The following OXCT1 variants were observed in gnomAD, a reference collection of about 807,000 sequenced individuals.
The protein encoded by OXCT1 is succinyl-CoA:3-ketoacid coenzyme A transferase 1, mitochondrial.
A neutral mutation model predicts 69.6 loss-of-function variants in OXCT1; 27 were observed. That is an observed-to-expected ratio of 0.39 (90% confidence interval 0.29 to 0.54). OXCT1 has a LOEUF of 0.54. Among genes scored for constraint, OXCT1 ranks in the 20% least tolerant of loss-of-function variants. The pLI, the probability that OXCT1 is intolerant of heterozygous loss-of-function variation, is 0.72. For missense variants in OXCT1, 437 were observed against 650.2 expected, an observed-to-expected ratio of 0.67 and a Z score of 3.57; for synonymous variants, 202 against 217.8, an observed-to-expected ratio of 0.93 and a Z score of 0.64.
chr5:41,866,026 C>CA (rs1554019574), intron 1 of OXCT1, among the ~76,000 whole-genome samples: 8 of 145,294 alleles, frequency 5.5e-5, no homozygotes, highest in Non-Finnish European at 1.2e-4. Flanking sequence ...CAGTAGACCC[C>CA]CCCCCCCACC....
At chr5:41,799,819 G>A (rs573776386) in intron 11 of OXCT1, among the ~76,000 whole-genome samples, 16 of 152,276 alleles carry the variant, frequency 1.1e-4, no homozygotes, top group African/African-American at 3.6e-4. Context: ...TATTCAACCA[G>A]AAGCTGTTTC....
chr5:41,816,031 C>G (rs2112312371), intron 7 of OXCT1, among the ~76,000 whole-genome samples: 1 of 152,312 alleles, frequency 6.6e-6, no homozygotes, highest in African/African-American at 2.4e-5. Flanking sequence ...TAAACCCTAG[C>G]ATTTCCAGAA....
At chr5:41,738,009 C>T (rs1742973474) in intron 16 of OXCT1, among the ~76,000 whole-genome samples, 1 of 151,914 alleles carries the variant, frequency 6.6e-6, no homozygotes, top group Admixed American at 6.6e-5. Flanking sequence ...GAGCCAAGAT[C>T]GCGCCACTGC....
Position 41,743,163 on chromosome 5 carries a change from T to C in OXCT1, c.1420-3672A>G, listed in dbSNP as rs1240775635. 6.6e-5 allele frequency among the ~76,000 whole-genome samples: 10 copies of C among 152,340 alleles called. No individual in the cohort carries two copies. The East Asian group carries it at 1.5e-3, about 24-fold the overall frequency. On this transcript the variant is annotated intron_variant, in intron 15 of 16. Coordinates refer to ENST00000196371, the MANE Select transcript of OXCT1 (RefSeq NM_000436.4). ...CTGTTGTTTCCTGACTTTTTAATGA[T>C]TGCCATTCTAACTGGTGTGAGATGG... is the stretch of plus-strand genomic sequence containing the variant.
intron 1 of OXCT1, 24 bp from the exon 2 acceptor site, chr5:41,862,774 T>A: frequency 2.3e-6 from 3 of 1,332,512 alleles, no homozygotes; most frequent in Non-Finnish European, 2.2e-6. Flanking sequence ...AAAAAAAAAT[T>A]GATAATCATT....
chr5:41,765,044 A>G (rs1744531947), intron 13 of OXCT1, among the ~76,000 whole-genome samples: 1 of 152,174 alleles, frequency 6.6e-6, no homozygotes, highest in African/African-American at 2.4e-5. Flanking sequence ...TCCATTACTA[A>G]AAAGAAGAAA....
At chr5:41,793,442 T>G (rs751817698) in intron 13 of OXCT1, among the ~76,000 whole-genome samples, 1 of 152,236 alleles carries the variant, frequency 6.6e-6, no homozygotes, top group Non-Finnish European at 1.5e-5. Flanking sequence ...AGAGGTTTCT[T>G]CCTTGATTTA....
At chr5:41,820,136 AC>A (rs1747475534) in intron 7 of OXCT1, among the ~76,000 whole-genome samples, 1 of 152,212 alleles carries the variant, frequency 6.6e-6, no homozygotes, top group African/African-American at 2.4e-5. Context: ...AAAATAAGAC[AC>A]AAAATCACAA....
chr5:41,750,150 T>G (rs914004240), intron 14 of OXCT1, among the ~76,000 whole-genome samples: 1 of 149,692 alleles, frequency 6.7e-6, no homozygotes, highest in Admixed American at 6.7e-5. Flanking sequence ...TTTTTTTTTT[T>G]TTTTTTTTTT....
rs139381541 is a variant in OXCT1, at chr5:41,830,383, A to G, written c.732+10068T>C. Among the ~76,000 whole-genome samples the G allele has an allele frequency of 2.7e-3, 410 of 152,300 alleles. 2 individuals are homozygous for G. The highest frequency in any genetic ancestry group is 0.01 in the Middle Eastern group (3 of 294). On this transcript the variant is annotated intron_variant, in intron 7 of 16. Transcript: ENST00000196371. ...TAAAAGAACTTGTGTCAAGTGTTCA[A>G]CTCAACTGGCTGATGTGAGTAGATT...
intron 13 of OXCT1, among the ~76,000 whole-genome samples, chr5:41,771,917 T>G (rs1328690450): frequency 6.6e-6 from 1 of 152,204 alleles, no homozygotes; most frequent in African/African-American, 2.4e-5. Flanking sequence ...AGGAATTTCA[T>G]ATGGTTGGTT....
intron 5 of OXCT1, among the ~76,000 whole-genome samples, chr5:41,847,761 GT>G: frequency 1.3e-5 from 2 of 152,178 alleles, no homozygotes; most frequent in East Asian, 3.9e-4. Context: ...AATAAATTAG[GT>G]ATTGATGGGA....
chr5:41,832,546 AG>A (rs2112369582), intron 7 of OXCT1, among the ~76,000 whole-genome samples: 1 of 152,246 alleles, frequency 6.6e-6, no homozygotes, highest in Non-Finnish European at 1.5e-5. Flanking sequence ...TCCCAAGGAA[AG>A]GCACTAACAA....
chr5:41,739,367 G>C (rs746919798), intron 16 of OXCT1, 23 bp downstream of exon 16: 2 of 1,418,140 alleles, frequency 1.4e-6, no homozygotes, highest in Admixed American at 3.3e-5. Flanking sequence ...CAAGTGTCTG[G>C]ATTTGTTCAC....
Position 41,848,972 on chromosome 5 carries a change from G to A in OXCT1, c.564+1058C>T, listed in dbSNP as rs889495409. Reference sequence around the variant, plus strand: ...ACTAAAGAGCTTCTGCACAGCAAAAGAAACTACCATCAGAGTGAACAGGCA... The same window carrying A: ...ACTAAAGAGCTTCTGCACAGCAAAAAAAACTACCATCAGAGTGAACAGGCA... On this transcript the variant is annotated intron_variant, in intron 5 of 16. Coordinates refer to ENST00000196371, the MANE Select transcript of OXCT1 (RefSeq NM_000436.4). Among the ~76,000 whole-genome samples, 5 of 152,168 alleles carry A rather than the reference G, an allele frequency of 3.3e-5. No homozygotes were observed. In the East Asian group the frequency reaches 7.7e-4, roughly 23 times the overall value.
intron 5 of OXCT1, among the ~76,000 whole-genome samples, chr5:41,847,722 TTCAACAAC>T (rs1748989918): frequency 6.6e-6 from 1 of 152,150 alleles, no homozygotes; most frequent in Non-Finnish European, 1.5e-5. Context: ...CGTGACAAAA[TTCAACAAC>T]CCTTCATGCT....
At chr5:41,733,973 C>T (rs547706144) in intron 16 of OXCT1, among the ~76,000 whole-genome samples, 22 of 152,322 alleles carry the variant, frequency 1.4e-4, no homozygotes, top group African/African-American at 5.3e-4. Flanking sequence ...TTGCTTGACT[C>T]TGGTAGAATG....
At chr5:41,752,558 C>T (rs565831190) in intron 14 of OXCT1, among the ~76,000 whole-genome samples, 55 of 151,994 alleles carry the variant, frequency 3.6e-4, no homozygotes, top group Non-Finnish European at 5.7e-4. Flanking sequence ...TTCTAGAACA[C>T]CCCAGGCAAC....
Position 41,860,853 on chromosome 5 carries a change from A to G in OXCT1, c.278+461T>C, listed in dbSNP as rs533104227. On this transcript the variant is annotated intron_variant, in intron 3 of 16. Coordinates refer to ENST00000196371, the MANE Select transcript of OXCT1 (RefSeq NM_000436.4). ...CAAGACCAGCCATGTTTTTGTGATT[A>G]ATGGTATCCCTTTATTTATGATCTA... is the stretch of plus-strand genomic sequence containing the variant. 4.6e-5 allele frequency among the ~76,000 whole-genome samples: 7 copies of G among 152,220 alleles called. No individual in the cohort carries two copies. In the South Asian group the frequency reaches 1.5e-3, roughly 32 times the overall value.
Sources: allele counts gnomAD v4.1 joint callset (sites outside exome capture counted in the v4.1 genomes callset), GRCh38; gene constraint gnomAD v4.1.1; transcripts MANE v1.5; gene names NCBI Gene and HGNC (gene_info 2026-07-23, HGNC 2026-07-21).